Variants in CAPS2 observed in about 807,000 individuals in gnomAD.
The protein encoded by CAPS2 is calcyphosine 2, also known as calcyphosin-2.
CAPS2 carries 98 observed loss-of-function variants against 86.5 expected under a neutral mutation model. The ratio of observed to expected loss-of-function variants is 1.13; its 90% CI spans 0.96 to 1.34. The LOEUF is 1.34. Ranked by LOEUF, CAPS2 falls within the 40% of genes most tolerant of loss-of-function variation. The pLI, the probability that CAPS2 is intolerant of heterozygous loss-of-function variation, is 0.00. For missense variants in CAPS2, 729 were observed against 686.8 expected (o/e 1.06, Z -0.69); for synonymous variants, 210 against 225.1 (o/e 0.93, Z 0.60).
At chr12:75,367,492 A>G (rs552057805) in intron 1 of CAPS2, among the ~76,000 whole-genome samples, 15 of 152,204 alleles carry the variant, frequency 9.9e-5, no homozygotes, top group Middle Eastern at 3.4e-3. Flanking sequence ...AGAGTCATCA[A>G]TATAACCACC....
Position 75,298,908 on chromosome 12 carries a change from G to A in CAPS2, c.913C>T (p.Leu305Phe), listed in dbSNP as rs1032743770. 6.8e-6 allele frequency: 11 copies of A among 1,611,746 alleles called. No individual in the cohort carries two copies. The highest frequency in any genetic ancestry group is 1.7e-5 in the Admixed American group (1 of 59,672). ...AATTGTCGATATTCATAAATTGTAAGGGATTGGTCATGAGTGAAAAAGAAC... is the reference window on the plus strand; with the variant it reads ...AATTGTCGATATTCATAAATTGTAAAGGATTGGTCATGAGTGAAAAAGAAC... The change falls in exon 10 of 17, where the codon CTT (leucine) becomes TTT (phenylalanine). Residue 305 changes from leucine to phenylalanine, a missense_variant. Physicochemically the swap from Leu to Phe is conservative, Grantham distance 22. Coordinates refer to ENST00000393284, the Ensembl canonical transcript of CAPS2.
At chr12:75,333,649 C>A (rs2041500373), upstream of CAPS2, 1 of 152,072 alleles carries the variant, frequency 6.6e-6, no homozygotes, top group Non-Finnish European at 1.5e-5. Context: ...ATCTAATTTT[C>A]TGCTTTTTAT....
intron 1 of CAPS2, among the ~76,000 whole-genome samples, chr12:75,385,120 CAG>C (rs1227294630): frequency 6.6e-6 from 1 of 152,194 alleles, no homozygotes; most frequent in Non-Finnish European, 1.5e-5. Flanking sequence ...CAGGACTTTG[CAG>C]AGAGTTCTCA....
chr12:75,370,098 G>T, intron 1 of CAPS2: 1 of 1,603,570 alleles, frequency 6.2e-7, no homozygotes, highest in South Asian at 1.1e-5. Context: ...ATCCATTTCT[G>T]AAGCCAACGG....
At position 75,299,043 on chromosome 12, in the gene CAPS2, T is replaced by C. The variant is rs1370346297; in HGVS notation, c.855-77A>G. The C allele has an allele frequency of 4.3e-6, 4 of 922,868 alleles. No individual in the cohort carries two copies. The Admixed American group carries it at 1.1e-4, about 24-fold the overall frequency. The allele number at this position is 922,868 out of a possible 1,614,324, so 57.2% of individuals were successfully genotyped here. On this transcript the variant is annotated intron_variant, in intron 9 of 16. Coordinates refer to ENST00000393284, the Ensembl canonical transcript of CAPS2. ...GAATTAACTAAAAAACATGTTCATC[T>C]CAAGAAGGATAGCTAACTCTCTTAT...
chr12:75,365,266 G>A (rs1425909227), intron 1 of CAPS2: 2 of 152,024 alleles, frequency 1.3e-5, no homozygotes, highest in African/African-American at 4.8e-5. Context: ...TGGTTTTCCT[G>A]GAAGAAGTAA....
intron 5 of CAPS2, among the ~76,000 whole-genome samples, chr12:75,319,700 G>T (rs755231744): frequency 6.6e-6 from 1 of 152,102 alleles, no homozygotes; most frequent in Non-Finnish European, 1.5e-5. Context: ...AGTTAGCAAT[G>T]ATAGCCTTTA....
At chr12:75,351,368 C>A (rs538666232) in intron 1 of CAPS2, among the ~76,000 whole-genome samples, 1 of 152,206 alleles carries the variant, frequency 6.6e-6, no homozygotes, top group Non-Finnish European at 1.5e-5. Flanking sequence ...AAGATCAACC[C>A]CAAGACACAT....
At chr12:75,334,568 A>G (rs1424172753), upstream of CAPS2, 23 of 1,422,982 alleles carry the variant, frequency 1.6e-5, no homozygotes, top group Non-Finnish European at 2.1e-5. Flanking sequence ...GTTCTTCCCC[A>G]CAGCGACACT....
intron 1 of CAPS2, among the ~76,000 whole-genome samples, chr12:75,353,619 G>A (rs941408253): frequency 2.0e-5 from 3 of 152,094 alleles, no homozygotes; most frequent in Non-Finnish European, 2.9e-5. Context: ...AACTGAAAAG[G>A]AGGGACTCCT....
At chr12:75,339,416 T>C (rs2041954043) in intron 1 of CAPS2, among the ~76,000 whole-genome samples, 1 of 152,332 alleles carries the variant, frequency 6.6e-6, no homozygotes, top group East Asian at 1.9e-4. Flanking sequence ...GAAGTGTCTG[T>C]TCATGTCCTT....
chr12:75,321,873 T>C (rs2040338843), intron 4 of CAPS2, among the ~76,000 whole-genome samples: 3 of 152,110 alleles, frequency 2.0e-5, no homozygotes, highest in Admixed American at 1.3e-4. Context: ...ATCTTTCTTC[T>C]TAGGAGTTTT....
chr12:75,296,925 T>C (rs532771508), intron 11 of CAPS2, among the ~76,000 whole-genome samples: 58 of 152,338 alleles, frequency 3.8e-4, no homozygotes, highest in African/African-American at 1.3e-3. Flanking sequence ...ATCTAATAAA[T>C]TGTAAAATGC....
At chr12:75,351,312 T>C (rs577987501) in intron 1 of CAPS2, among the ~76,000 whole-genome samples, 135 of 152,166 alleles carry the variant, frequency 8.9e-4, no homozygotes, top group Non-Finnish European at 1.6e-3. Context: ...AAGGTCAACA[T>C]TCAAATTCAG....
At chr12:75,363,463 T>G (rs2043753182) in intron 1 of CAPS2, among the ~76,000 whole-genome samples, 1 of 152,198 alleles carries the variant, frequency 6.6e-6, no homozygotes, top group Non-Finnish European at 1.5e-5. Flanking sequence ...AACTATGGGT[T>G]GAAATGCTTC....
At chr12:75,356,021 C>G (rs768084509) in intron 1 of CAPS2, among the ~76,000 whole-genome samples, 1 of 152,038 alleles carries the variant, frequency 6.6e-6, no homozygotes, top group Non-Finnish European at 1.5e-5. Flanking sequence ...AAATAGCTAA[C>G]GCATGCTGGG....
intron 5 of CAPS2, among the ~76,000 whole-genome samples, chr12:75,317,860 CT>C (rs1479443883): frequency 6.6e-6 from 1 of 151,872 alleles, no homozygotes; most frequent in African/African-American, 2.4e-5. Flanking sequence ...TAAAATCTGC[CT>C]TCTTATCAAA....
rs1213361496 is a variant in CAPS2 at position 75,348,096 on chromosome 12, A to C, written c.-394-24874T>G. ...AAGAAAATGATTGAGAATGATTGTA[A>C]AAGAACATACTTTTAAGAAAAGAAC... On this transcript the variant is annotated intron_variant, in intron 1 of 5. Transcript: ENST00000551829. Among the ~76,000 whole-genome samples the C allele has an allele frequency of 2.6e-5, 4 of 152,270 alleles. No homozygotes were observed. In the East Asian group the frequency reaches 7.7e-4, roughly 29 times the overall value.
chr12:75,312,962 C>A lies in CAPS2; in HGVS notation c.592-47G>T, dbSNP rs776375372. On this transcript the variant is annotated intron_variant, in intron 6 of 16. Transcript: ENST00000393284. ...AACTTCACCATCCATAAAGCAGAAC[C>A]ATACAATACTTAACACAAAAGTTCT... 6 of 1,091,188 alleles carry A rather than the reference C, an allele frequency of 5.5e-6. No homozygotes were observed. In the African/African-American group the frequency reaches 7.8e-5, roughly 14 times the overall value. The allele number at this position is 1,091,188 out of a possible 1,614,324, so 67.6% of individuals were successfully genotyped here.
Sources: allele counts gnomAD v4.1 joint callset (sites outside exome capture counted in the v4.1 genomes callset), GRCh38; gene constraint gnomAD v4.1.1; transcripts MANE v1.5; gene names NCBI Gene and HGNC (gene_info 2026-07-23, HGNC 2026-07-21).